The following TENM4 variants were observed in gnomAD, a reference collection of about 807,000 sequenced individuals.
The protein encoded by TENM4 is teneurin-4.
TENM4 carries 82 observed loss-of-function variants against 243.3 expected under a neutral mutation model. The observed-to-expected ratio is 0.34, with a 90% CI of 0.28 to 0.40. The LOEUF (loss-of-function observed/expected upper bound fraction) is 0.40. TENM4 is among the 10% of genes least tolerant of loss of function. TENM4 has a pLI of 1.00. For synonymous variants in TENM4, 1,412 were observed against 1,456.3 expected (o/e 0.97, Z 0.69); for missense variants, 3,138 against 3,673.3 (o/e 0.85, Z 3.77).
At chr11:79,167,886 A>AT (rs1199023732) in intron 3 of TENM4, among the ~76,000 whole-genome samples, 1 of 152,192 alleles carries the variant, frequency 6.6e-6, no homozygotes, top group African/African-American at 2.4e-5. Flanking sequence ...GCATGTAGAG[A>AT]TTTAAAAAAA....
At chr11:79,335,758 CAA>C (rs368606666) in intron 1 of TENM4, among the ~76,000 whole-genome samples, 30 of 152,282 alleles carry the variant, frequency 2.0e-4, no homozygotes, top group African/African-American at 7.2e-4. Flanking sequence ...ATGTTTTGCA[CAA>C]AGAGGAGAGA....
Position 78,702,173 on chromosome 11 carries a change from G to A in TENM4, c.4440C>T (p.Val1480=). The change falls in exon 28 of 34, where the codon GTC becomes GTT. Residue 1480 remains valine, a synonymous_variant. Transcript: ENST00000278550. ...TCTCATCAGTCTCAGCAATATACAG[G>A]ACCCCATTGTGTGAAACAGCCAAAG... ...ATALAVSHNG[V]LYIAETDEKK... is the part of the protein sequence containing the mutation. 1.2e-6 allele frequency: 2 copies of A among 1,613,970 alleles called. No homozygotes were observed. The highest frequency in any genetic ancestry group is 1.7e-6 in the Non-Finnish European group (2 of 1,179,898).
intron 1 of TENM4, among the ~76,000 whole-genome samples, chr11:79,371,658 A>G (rs1857789002): frequency 6.6e-6 from 1 of 152,190 alleles, no homozygotes; most frequent in Non-Finnish European, 1.5e-5. Context: ...GTGTGCTTTC[A>G]GACAAGCTAG....
Position 79,268,333 on chromosome 11 carries a change from T to C in TENM4, c.-265+29155A>G, listed in dbSNP as rs1203840667. On this transcript the variant is annotated intron_variant, in intron 2 of 33. Coordinates refer to ENST00000278550, the MANE Select transcript of TENM4 (RefSeq NM_001098816.3). ...AATAGACTGTGTTTCAGTAAAACTTTGTTTACAAAACAGGCAACAGGCCTG... is the reference window on the plus strand; with the variant it reads ...AATAGACTGTGTTTCAGTAAAACTTCGTTTACAAAACAGGCAACAGGCCTG... Among the ~76,000 whole-genome samples the C allele has an allele frequency of 5.3e-5, 8 of 152,370 alleles. No individual in the cohort carries two copies. The East Asian group carries it at 1.5e-3, about 29-fold the overall frequency.
At chr11:78,909,303 G>A (rs910739274) in intron 6 of TENM4, among the ~76,000 whole-genome samples, 2 of 152,110 alleles carry the variant, frequency 1.3e-5, no homozygotes, top group African/African-American at 2.4e-5. Context: ...ACTACTTGCC[G>A]GATACTTTCT....
chr11:79,173,969 A>G (rs1442799007), intron 3 of TENM4, among the ~76,000 whole-genome samples: 1 of 152,204 alleles, frequency 6.6e-6, no homozygotes, highest in East Asian at 1.9e-4. Flanking sequence ...GTTTATGAAA[A>G]CAGATGGCCT....
At chr11:78,693,720 A>T (rs1363926947) in intron 28 of TENM4, among the ~76,000 whole-genome samples, 1 of 152,212 alleles carries the variant, frequency 6.6e-6, no homozygotes, top group Non-Finnish European at 1.5e-5. Context: ...AAACACATAA[A>T]ACATTCATAT....
chr11:78,979,420 A>C (rs11827600), intron 6 of TENM4, among the ~76,000 whole-genome samples: 5,082 of 152,270 alleles, frequency 0.033, 246 homozygotes, highest in African/African-American at 0.1. Flanking sequence ...TAATTGATGG[A>C]GCCTTGGGGC....
chr11:79,145,923 G>T (rs941244970), intron 4 of TENM4, among the ~76,000 whole-genome samples: 1 of 152,024 alleles, frequency 6.6e-6, no homozygotes, highest in Non-Finnish European at 1.5e-5. Context: ...CTTCTTTTAT[G>T]AAGTATCTGA....
At position 78,657,992 on chromosome 11, in the gene TENM4, A is replaced by G. The variant is rs1438177108; in HGVS notation, c.*66T>C. The G allele has an allele frequency of 1.9e-6, 3 of 1,610,652 alleles. No homozygotes were observed. The African/African-American group carries it at 4.0e-5, about 22-fold the overall frequency. On this transcript the variant is annotated 3_prime_UTR_variant, in exon 34 of 34. Coordinates refer to ENST00000278550, the MANE Select transcript of TENM4 (RefSeq NM_001098816.3). ...TAAAAAATCATTTTTTTAAAAGTACAACACAGTCAGGTATGCGGCCACAAA... is the reference window on the plus strand; with the variant it reads ...TAAAAAATCATTTTTTTAAAAGTACGACACAGTCAGGTATGCGGCCACAAA...
rs538955874 is a variant in TENM4 at position 79,429,951 on chromosome 11, G to A, written c.-321+10558C>T. ...ACAGACATTAAGTAATTTGACCAAG[G>A]TCCCACAGATAGAAAGTGTGAGAAC... On this transcript the variant is annotated intron_variant, in intron 1 of 33. Transcript: ENST00000278550. 2.0e-5 allele frequency among the ~76,000 whole-genome samples: 3 copies of A among 152,236 alleles called. No individual in the cohort carries two copies. In the South Asian group the frequency reaches 6.2e-4, roughly 32 times the overall value.
intron 17 of TENM4, 137 bp from the exon 18 acceptor site, chr11:78,771,275 T>C (rs1856642401): frequency 9.2e-7 from 1 of 1,088,654 alleles, no homozygotes; most frequent in Non-Finnish European, 1.3e-6. Context: ...CCCAGGGAGG[T>C]AGGTATCATT....
intron 7 of TENM4, among the ~76,000 whole-genome samples, chr11:78,893,095 G>T (rs1264056416): frequency 6.6e-6 from 1 of 152,242 alleles, no homozygotes; most frequent in Non-Finnish European, 1.5e-5. Flanking sequence ...TTGGTGAGTC[G>T]TGAAGCACTG....
At chr11:79,074,851 C>G (rs1318326565) in intron 4 of TENM4, among the ~76,000 whole-genome samples, 2 of 152,200 alleles carry the variant, frequency 1.3e-5, no homozygotes, top group Non-Finnish European at 2.9e-5. Context: ...ATACTGGGCT[C>G]TGCTAACATC....
chr11:78,885,841 C>T (rs1855536700), intron 9 of TENM4, among the ~76,000 whole-genome samples: 1 of 152,166 alleles, frequency 6.6e-6, no homozygotes, highest in Admixed American at 6.5e-5. Flanking sequence ...GGAAGGATCA[C>T]TGGAGCCCAG....
intron 26 of TENM4, among the ~76,000 whole-genome samples, chr11:78,709,211 C>T (rs993407881): frequency 6.6e-6 from 1 of 151,188 alleles, no homozygotes; most frequent in Non-Finnish European, 1.5e-5. Context: ...GTGATCCACC[C>T]GCCTTGGCCT....
chr11:78,996,396 G>A (rs983345002), intron 6 of TENM4, among the ~76,000 whole-genome samples: 1 of 152,186 alleles, frequency 6.6e-6, no homozygotes, highest in African/African-American at 2.4e-5. Context: ...GAACACATGA[G>A]TAAAGCCATC....
chr11:79,253,866 C>A (rs1322671187), intron 2 of TENM4, among the ~76,000 whole-genome samples: 1 of 152,134 alleles, frequency 6.6e-6, no homozygotes, highest in East Asian at 1.9e-4. Context: ...AAAAAATAGA[C>A]AAAGAATATG....
chr11:79,043,504 C>T (rs898720972), intron 6 of TENM4, among the ~76,000 whole-genome samples: 1 of 152,148 alleles, frequency 6.6e-6, no homozygotes, highest in Admixed American at 6.5e-5. Context: ...AGTCTCCCCC[C>T]AGCCCCAAAG....
Sources: allele counts gnomAD v4.1 joint callset (sites outside exome capture counted in the v4.1 genomes callset), GRCh38; gene constraint gnomAD v4.1.1; transcripts MANE v1.5; gene names NCBI Gene and HGNC (gene_info 2026-07-23, HGNC 2026-07-21).